Variants in TTC7B observed in about 807,000 individuals in gnomAD.
TTC7B encodes tetratricopeptide repeat domain 7B.
Under a neutral mutation model 106.8 loss-of-function variants are expected in TTC7B, and 28 were observed. The ratio of observed to expected loss-of-function variants is 0.26; its 90% CI spans 0.19 to 0.36. TTC7B has a LOEUF of 0.36. Among genes scored for constraint, TTC7B ranks in the 10% least tolerant of loss-of-function variants. The pLI, the probability that TTC7B is intolerant of heterozygous loss-of-function variation, is 1.00. For missense variants in TTC7B, 862 were observed against 1,076.4 expected (o/e 0.80, Z 2.79); for synonymous variants, 405 against 430.6 (o/e 0.94, Z 0.74).
In TTC7B at chr14:90,525,880, A is replaced by AC. The variant is rs992072817; in HGVS notation, c.*15487dup. 6.9e-6 allele frequency: 1 copy of AC among 145,410 alleles called. No individual in the cohort carries two copies. The highest frequency in any genetic ancestry group is 2.2e-4 in the South Asian group (1 of 4,500). 9.0% of individuals were successfully genotyped at this position (145,410 alleles called of 1,614,324 possible). On this transcript the variant is annotated 3_prime_UTR_variant, in exon 20 of 20. Coordinates refer to ENST00000328459, the MANE Select transcript of TTC7B (RefSeq NM_001010854.2). ...TCTAAAGCTCTCAGAGTGGAAGAGT[A>AC]CCAGGACATGGGGGTGGGGGTTGGG... is the stretch of plus-strand genomic sequence containing the variant.
chr14:90,816,109 C>T (rs1315062681), intron 1 of TTC7B, 66 bp downstream of exon 1: 6 of 982,462 alleles, frequency 6.1e-6, no homozygotes, highest in Non-Finnish European at 7.2e-6. Flanking sequence ...GGCCGCGCCT[C>T]GGGGGCCCGT....
rs372964197 is a variant in TTC7B at position 90,652,910 on chromosome 14, G to A, written c.1460-12C>T. ...CCCTCGCAAAGAAGCTAAGAAAAGG[G>A]TTCAATTAGTCAGTGGCATGGGGGA... On this transcript the variant is annotated splice_polypyrimidine_tract_variant and intron_variant, in intron 12 of 19. Coordinates refer to ENST00000328459, the MANE Select transcript of TTC7B (RefSeq NM_001010854.2). 105 of 1,614,146 alleles carry A rather than the reference G, an allele frequency of 6.5e-5. No individual in the cohort carries two copies. In the Admixed American group the frequency reaches 1.2e-3, roughly 18 times the overall value.
Position 90,577,501 on chromosome 14 carries a change from G to T in TTC7B, c.2310+605C>A. Reference sequence around the variant, plus strand: ...CAGGCTTTTGGCCCAGGCTGTAGACGAAGGATGTGCACTCGTTGAGCGCCG... The same window carrying T: ...CAGGCTTTTGGCCCAGGCTGTAGACTAAGGATGTGCACTCGTTGAGCGCCG... On this transcript the variant is annotated intron_variant, in intron 19 of 19. Transcript: ENST00000328459. This position sits in a 1 kb window ranked among gnomAD's most constrained non-coding sequence, Gnocchi z 5.0. 6.6e-6 allele frequency among the ~76,000 whole-genome samples: 1 copy of T among 152,308 alleles called. No homozygotes were observed.
chr14:90,609,343 C>CA (rs1200069105), intron 17 of TTC7B, among the ~76,000 whole-genome samples: 2 of 152,232 alleles, frequency 1.3e-5, no homozygotes, highest in African/African-American at 2.4e-5. Context: ...TCTTTTTACC[C>CA]AGGAGCTGCA....
Position 90,767,096 on chromosome 14 carries a change from G to A in TTC7B, c.445+13642C>T, listed in dbSNP as rs943145725. ...GGGCTGGGTGCAGTAGCTCACACCTGTAACTGCAGCACTTTGGGAGGCTGA... is the reference window on the plus strand; with the variant it reads ...GGGCTGGGTGCAGTAGCTCACACCTATAACTGCAGCACTTTGGGAGGCTGA... On this transcript the variant is annotated intron_variant, in intron 3 of 19. Coordinates refer to ENST00000328459, the MANE Select transcript of TTC7B (RefSeq NM_001010854.2). 1.8e-5 allele frequency: 11 copies of A among 620,248 alleles called. No individual in the cohort carries two copies. In the Admixed American group the frequency reaches 1.8e-4, roughly 10 times the overall value. 38.4% of individuals were successfully genotyped at this position (620,248 alleles called of 1,614,324 possible). A position where few individuals can be genotyped will look rare whatever the true frequency, so the allele number is the denominator to read the frequency against.
rs1555372757 is a variant in TTC7B, at chr14:90,537,373, T to TTG, written c.*3994_*3995insCA. The TTG allele has an allele frequency of 1.8e-5, 1 of 54,422 alleles. No individual in the cohort carries two copies. The highest frequency in any genetic ancestry group is 3.4e-4 in the East Asian group (1 of 2,934). 3.4% of individuals were successfully genotyped at this position (54,422 alleles called of 1,614,324 possible). A position where few individuals can be genotyped will look rare whatever the true frequency, so the allele number is the denominator to read the frequency against. ...GGCTATTTTTTTTTTTTTGTAGAGA[T>TTG]GGGGGGGGGGTCTCACCATGTTGCC... On this transcript the variant is annotated 3_prime_UTR_variant, in exon 20 of 20. Coordinates refer to ENST00000328459, the MANE Select transcript of TTC7B (RefSeq NM_001010854.2).
intron 5 of TTC7B, among the ~76,000 whole-genome samples, chr14:90,713,575 A>T (rs1888529892): frequency 6.6e-6 from 1 of 152,234 alleles, no homozygotes; most frequent in Admixed American, 6.5e-5. Context: ...AAGAGAAAAA[A>T]AGCTGGAGCT....
chr14:90,635,316 GA>G (rs1311731719), intron 15 of TTC7B, among the ~76,000 whole-genome samples: 1 of 152,026 alleles, frequency 6.6e-6, no homozygotes, highest in African/African-American at 2.4e-5. Flanking sequence ...AAAGAAAGCA[GA>G]AAAGGAGAGG....
In TTC7B at chr14:90,578,555, G is replaced by A. The variant is rs987376387; in HGVS notation, c.2108-247C>T. On this transcript the variant is annotated intron_variant, in intron 18 of 19. Transcript: ENST00000328459. This position sits in a 1 kb window ranked among gnomAD's most constrained non-coding sequence, Gnocchi z 4.7. ...AGGTCACCACCAGGCAGGGAGCAGT[G>A]AGGCCTGCCTGGTCCCTGCCCCAAC... Among the ~76,000 whole-genome samples, 1 of 152,104 alleles carries A rather than the reference G, an allele frequency of 6.6e-6. No individual in the cohort carries two copies. Among genetic ancestry groups the A allele is most frequent in the Non-Finnish European group, 1.5e-5 (1 of 68,000 alleles).
chr14:90,613,702 C>T (rs1379002420), intron 16 of TTC7B, among the ~76,000 whole-genome samples: 1 of 152,232 alleles, frequency 6.6e-6, no homozygotes, highest in East Asian at 1.9e-4. Context: ...CACCTCACCT[C>T]TTCTCTGCCG....
At chr14:90,617,190 C>T (rs555166795) in intron 16 of TTC7B, among the ~76,000 whole-genome samples, 3 of 152,240 alleles carry the variant, frequency 2.0e-5, no homozygotes, top group African/African-American at 4.8e-5. Flanking sequence ...GAAATTAACC[C>T]GCGGAAAACT....
intron 18 of TTC7B, 124 bp downstream of exon 18, chr14:90,593,362 C>G: frequency 7.5e-7 from 1 of 1,340,650 alleles, no homozygotes; most frequent in Non-Finnish European, 9.8e-7. Context: ...AAGCTTTGAT[C>G]TCTCCTAATG....
rs996645189 is a variant in TTC7B at position 90,776,886 on chromosome 14, G to A, written c.445+3852C>T. ...TTTACCTAACCTCCCTGTGCCCCAG[G>A]TTTCTTTTCTGTAAAATGGAAAGAA... is the stretch of plus-strand genomic sequence containing the variant. On this transcript the variant is annotated intron_variant, in intron 3 of 19. Transcript: ENST00000328459. 7.2e-5 allele frequency among the ~76,000 whole-genome samples: 11 copies of A among 152,292 alleles called. 1 individual carries two copies. The highest frequency in any genetic ancestry group is 7.2e-4 in the Admixed American group (11 of 15,286).
At chr14:90,798,106 C>T (rs2029992986) in intron 1 of TTC7B, among the ~76,000 whole-genome samples, 1 of 152,090 alleles carries the variant, frequency 6.6e-6, no homozygotes, top group African/African-American at 2.4e-5. Flanking sequence ...TTCTCTGTGA[C>T]CGCCACGAGA....
At chr14:90,811,670 T>C (rs1056517575) in intron 1 of TTC7B, among the ~76,000 whole-genome samples, 5 of 152,176 alleles carry the variant, frequency 3.3e-5, no homozygotes, top group African/African-American at 1.2e-4. Context: ...AAATACTCTT[T>C]GTTTCAGGCA....
chr14:90,705,272 A>G (rs1333691986), intron 5 of TTC7B, among the ~76,000 whole-genome samples: 3 of 152,170 alleles, frequency 2.0e-5, no homozygotes, highest in Non-Finnish European at 2.9e-5. Flanking sequence ...TTCTTCTGAG[A>G]TACCACTAAC....
chr14:90,760,955 T>C (rs1018327899), intron 3 of TTC7B, among the ~76,000 whole-genome samples: 2 of 152,200 alleles, frequency 1.3e-5, no homozygotes, highest in African/African-American at 4.8e-5. Flanking sequence ...ATCTTCCCTC[T>C]ACCCTCCAAG....
At position 90,531,072 on chromosome 14, in the gene TTC7B, A is replaced by C. The variant is rs1274621898; in HGVS notation, c.*10296T>G. 1 of 152,224 alleles carries C rather than the reference A, an allele frequency of 6.6e-6. No homozygotes were observed. Among genetic ancestry groups the C allele is most frequent in the African/African-American group, 2.4e-5 (1 of 41,458 alleles). The allele number at this position is 152,224 out of a possible 1,614,324, so 9.4% of individuals were successfully genotyped here. On this transcript the variant is annotated 3_prime_UTR_variant, in exon 20 of 20. Coordinates refer to ENST00000328459, the MANE Select transcript of TTC7B (RefSeq NM_001010854.2). ...TTTTAATATTAATAGCTGAAAATGT[A>C]AAGAGTTTTGTATTCAGTTGAAGTT...
chr14:90,770,309 CAG>C (rs1238762954), intron 3 of TTC7B, among the ~76,000 whole-genome samples: 3 of 152,132 alleles, frequency 2.0e-5, no homozygotes, highest in African/African-American at 7.2e-5. Context: ...AAGGGAGAAA[CAG>C]AGAATTCTAT....
Sources: gnomAD v4.1 joint callset for allele counts (sites outside exome capture counted in the v4.1 genomes callset) on GRCh38, gnomAD v4.1.1 for gene constraint, Gnocchi (gnomAD v3.1) non-coding constraint, MANE v1.5 for transcripts, NCBI Gene and HGNC (gene_info 2026-07-23, HGNC 2026-07-21) for gene names.